UNC13C: variants seen among roughly 807,000 people sequenced by gnomAD.
UNC13C encodes the protein unc-13 homolog C, also known as protein unc-13 homolog C.
A neutral mutation model predicts 245.4 loss-of-function variants in UNC13C; 174 were observed. That is an observed-to-expected ratio of 0.71 (90% CI 0.63 to 0.80). The LOEUF (loss-of-function observed/expected upper bound fraction) is 0.80, where lower values mean the gene tolerates loss of function less well. Among genes scored for constraint, UNC13C ranks in the 30% least tolerant of loss-of-function variants. The probability of loss-of-function intolerance (pLI) is 0.00; values close to 1 mark genes in which losing one functional copy is unlikely to be tolerated. For missense variants in UNC13C, 2,829 were observed against 2,602.9 expected (o/e 1.09, Z -1.89); for synonymous variants, 992 against 895.1 (o/e 1.11, Z -1.93).
At chr15:54,287,609 C>A (rs956106398) in intron 10 of UNC13C, among the ~76,000 whole-genome samples, 1 of 152,120 alleles carries the variant, frequency 6.6e-6, no homozygotes, top group Non-Finnish European at 1.5e-5. Context: ...TTTAGTGAAG[C>A]CTGTTCTACA....
At chr15:54,395,754 A>T (rs2040057482) in intron 18 of UNC13C, among the ~76,000 whole-genome samples, 1 of 151,846 alleles carries the variant, frequency 6.6e-6, no homozygotes, top group Non-Finnish European at 1.5e-5. Flanking sequence ...CTCAAATTTG[A>T]TAACAAGTTT....
intron 30 of UNC13C, among the ~76,000 whole-genome samples, chr15:54,601,839 G>A (rs1899448252): frequency 6.6e-6 from 1 of 152,190 alleles, no homozygotes; most frequent in African/African-American, 2.4e-5. Context: ...TCCTCAAAGT[G>A]GAAATGCAGA....
chr15:54,360,115 A>G (rs2039195910), intron 17 of UNC13C, among the ~76,000 whole-genome samples: 2 of 151,970 alleles, frequency 1.3e-5, no homozygotes, highest in Non-Finnish European at 2.9e-5. Context: ...ACAGTTTCCA[A>G]TATTCCTTTT....
chr15:54,031,939 T>G (rs138133860), intron 2 of UNC13C, among the ~76,000 whole-genome samples: 1 of 152,328 alleles, frequency 6.6e-6, no homozygotes, highest in Non-Finnish European at 1.5e-5. Context: ...CATTTAATTT[T>G]TCCACAGGGC....
At chr15:54,184,195 G>A (rs1314793897) in intron 4 of UNC13C, among the ~76,000 whole-genome samples, 1 of 151,878 alleles carries the variant, frequency 6.6e-6, no homozygotes, top group Non-Finnish European at 1.5e-5. Context: ...ATTTTCCTTT[G>A]TTAAAGTTTT....
intron 13 of UNC13C, among the ~76,000 whole-genome samples, chr15:54,318,844 A>G (rs1354313851): frequency 1.3e-5 from 2 of 151,924 alleles, no homozygotes; most frequent in African/African-American, 4.8e-5. Context: ...TTTTTTACAT[A>G]AATCTTTTAG....
intron 13 of UNC13C, among the ~76,000 whole-genome samples, chr15:54,311,778 G>T (rs1191403050): frequency 2.6e-5 from 4 of 151,714 alleles, no homozygotes; most frequent in Non-Finnish European, 4.4e-5. Flanking sequence ...TCAGCGATTT[G>T]TTTGACTTCT....
chr15:54,587,185 T>C (rs1439871954), intron 30 of UNC13C, among the ~76,000 whole-genome samples: 1 of 152,062 alleles, frequency 6.6e-6, no homozygotes, highest in East Asian at 1.9e-4. Context: ...ACTTATAAGG[T>C]GAAATGACAG....
At chr15:54,141,499 T>G (rs2032016895) in intron 2 of UNC13C, among the ~76,000 whole-genome samples, 1 of 152,108 alleles carries the variant, frequency 6.6e-6, no homozygotes, top group African/African-American at 2.4e-5. Flanking sequence ...ATATTACACT[T>G]AAAGAAGACC....
At chr15:54,576,817 T>A (rs1897974555) in intron 30 of UNC13C, among the ~76,000 whole-genome samples, 1 of 152,206 alleles carries the variant, frequency 6.6e-6, no homozygotes, top group Non-Finnish European at 1.5e-5. Context: ...CTTCTTACAA[T>A]GTAAGCCCTA....
chr15:54,134,421 T>C (rs1045214724), intron 2 of UNC13C, among the ~76,000 whole-genome samples: 19 of 31,998 alleles, frequency 5.9e-4, no homozygotes, highest in Non-Finnish European at 1.2e-3. Context: ...AATAATCATC[T>C]GTGTGTGTGT....
intron 13 of UNC13C, among the ~76,000 whole-genome samples, chr15:54,305,820 G>A (rs1230555197): frequency 1.3e-5 from 2 of 152,000 alleles, no homozygotes; most frequent in Admixed American, 6.6e-5. Flanking sequence ...CCTTAATTCT[G>A]TGGATTTTCC....
At chr15:54,084,845 G>A (rs777679960) in intron 2 of UNC13C, among the ~76,000 whole-genome samples, 2 of 151,876 alleles carry the variant, frequency 1.3e-5, no homozygotes, top group East Asian at 1.9e-4. Context: ...TATGAATCAG[G>A]GCCCCTCAGC....
the UNC13C span, among the ~76,000 whole-genome samples, chr15:53,900,238 T>G: frequency 6.6e-6 from 1 of 152,178 alleles, no homozygotes; most frequent in African/African-American, 2.4e-5. Context: ...GTTTATGTTA[T>G]TAACAATAAT....
intron 7 of UNC13C, among the ~76,000 whole-genome samples, chr15:54,238,083 T>TTTTTTG (rs1293482573): frequency 6.8e-6 from 1 of 147,140 alleles, no homozygotes; most frequent in African/African-American, 2.5e-5. Context: ...TAGGTTTTTT[T>TTTTTTG]TTTTTTTTTT....
intron 2 of UNC13C, among the ~76,000 whole-genome samples, chr15:54,046,100 G>A (rs1897025217): frequency 1.3e-5 from 2 of 152,016 alleles, no homozygotes; most frequent in African/African-American, 4.8e-5. Context: ...AGTACTTTAT[G>A]GAGATCTTTG....
intron 26 of UNC13C, among the ~76,000 whole-genome samples, chr15:54,535,918 A>G (rs58750441): frequency 0.097 from 14,765 of 152,124 alleles, 909 homozygotes; most frequent in African/African-American, 0.17. Context: ...ACAACCTAGA[A>G]AAGCTAGGAA....
intron 17 of UNC13C, among the ~76,000 whole-genome samples, chr15:54,361,363 T>C (rs1402629654): frequency 6.6e-6 from 1 of 152,190 alleles, no homozygotes; most frequent in Non-Finnish European, 1.5e-5. Flanking sequence ...TATTTCTTTG[T>C]CAATTTTCTC....
At chr15:54,408,942 C>T (rs1001510486) in intron 18 of UNC13C, among the ~76,000 whole-genome samples, 2 of 152,122 alleles carry the variant, frequency 1.3e-5, no homozygotes, top group African/African-American at 4.8e-5. Flanking sequence ...TCCGTGGTAT[C>T]ATTTAACATC....
Sources: allele counts gnomAD v4.1 joint callset (sites outside exome capture counted in the v4.1 genomes callset), GRCh38; gene constraint gnomAD v4.1.1; transcripts MANE v1.5; gene names NCBI Gene and HGNC (gene_info 2026-07-23, HGNC 2026-07-21).